EBF2: variants seen among roughly 807,000 people sequenced by gnomAD.
The protein encoded by EBF2 is EBF transcription factor 2, also known as transcription factor COE2.
A neutral mutation model predicts 72.8 loss-of-function variants in EBF2; 21 were observed. The ratio of observed to expected loss-of-function variants is 0.29; its 90% CI spans 0.20 to 0.42. The LOEUF is 0.42. Among genes scored for constraint, EBF2 ranks in the 10% least tolerant of loss-of-function variants. The pLI, the probability that EBF2 is intolerant of heterozygous loss-of-function variation, is 1.00. For synonymous variants in EBF2, 299 were observed against 274.2 expected, an observed-to-expected ratio of 1.09 and a Z score of -0.89; for missense variants, 637 against 731.2, an observed-to-expected ratio of 0.87 and a Z score of 1.49.
intron 14 of EBF2, among the ~76,000 whole-genome samples, chr8:25,854,420 T>C (rs1802042893): frequency 6.6e-6 from 1 of 152,186 alleles, no homozygotes; most frequent in Admixed American, 6.5e-5. Flanking sequence ...ACTTTGGTAA[T>C]TTTACTGCTT....
chr8:26,003,020 C>G (rs1483680767), intron 6 of EBF2, among the ~76,000 whole-genome samples: 1 of 152,050 alleles, frequency 6.6e-6, no homozygotes, highest in Non-Finnish European at 1.5e-5. Flanking sequence ...GGTCTCATCC[C>G]TGTTCTCAGC....
chr8:25,844,365 C>T lies in EBF2; in HGVS notation c.*244G>A, dbSNP rs1041095508. The T allele has an allele frequency of 4.6e-6, 2 of 436,770 alleles. No homozygotes were observed. The highest frequency in any genetic ancestry group is 8.2e-6 in the Non-Finnish European group (2 of 243,890). 27.1% of individuals were successfully genotyped at this position (436,770 alleles called of 1,614,324 possible). A position where few individuals can be genotyped will look rare whatever the true frequency, so the allele number is the denominator to read the frequency against. On this transcript the variant is annotated 3_prime_UTR_variant, in exon 16 of 16. Transcript: ENST00000520164. The stretch of plus-strand genomic sequence containing the variant: ...TTCATAACAAAGAATTGCATTTCTG[C>T]TCTTAGCACTGACTACGTCAATGAC...
chr8:25,970,087 C>T lies in EBF2; in HGVS notation c.552-61532G>A, dbSNP rs146238006. Reference sequence around the variant, plus strand: ...TTAGGGTAATGCAGTCTCTCTATGTCGTTCCCTCTGCTGGATCTATTCTTT... The same window carrying T: ...TTAGGGTAATGCAGTCTCTCTATGTTGTTCCCTCTGCTGGATCTATTCTTT... On this transcript the variant is annotated intron_variant, in intron 6 of 15. Transcript: ENST00000520164. 3.9e-4 allele frequency among the ~76,000 whole-genome samples: 60 copies of T among 152,306 alleles called. No individual in the cohort carries two copies. In the Middle Eastern group the frequency reaches 0.01, roughly 26 times the overall value.
Position 26,044,666 on chromosome 8 carries a change from C to T in EBF2, c.131+63G>A. On this transcript the variant is annotated intron_variant, in intron 1 of 15. Transcript: ENST00000520164. The surrounding 1 kb of genome is among the most constrained non-coding windows in gnomAD (Gnocchi z 4.1). ...AGGCACGGGGTGCGCGGGGGGGGTG[C>T]ACACGGAGAGACAGACCGTAAGAGC... 11 of 1,566,432 alleles carry T rather than the reference C, an allele frequency of 7.0e-6. No individual in the cohort carries two copies. The highest frequency in any genetic ancestry group is 9.6e-6 in the Non-Finnish European group (11 of 1,149,970).
At chr8:25,980,468 A>G (rs973746565) in intron 6 of EBF2, among the ~76,000 whole-genome samples, 5 of 152,228 alleles carry the variant, frequency 3.3e-5, no homozygotes, top group Non-Finnish European at 1.5e-5. Flanking sequence ...ATCAAAAAGA[A>G]AAAACATTTC....
intron 6 of EBF2, among the ~76,000 whole-genome samples, chr8:25,951,513 G>A (rs893010614): frequency 6.6e-6 from 1 of 152,170 alleles, no homozygotes; most frequent in African/African-American, 2.4e-5. Context: ...TGATGGCTCT[G>A]TCCAAATAAT....
At chr8:25,896,456 G>C (rs182493730) in intron 7 of EBF2, among the ~76,000 whole-genome samples, 5 of 152,104 alleles carry the variant, frequency 3.3e-5, no homozygotes, top group African/African-American at 1.2e-4. Flanking sequence ...AAATAAAATG[G>C]TCTCGAAAAT....
chr8:25,994,099 A>G (rs1400893177), intron 6 of EBF2, among the ~76,000 whole-genome samples: 1 of 152,170 alleles, frequency 6.6e-6, no homozygotes, highest in Admixed American at 6.5e-5. Flanking sequence ...TAAAATGCAG[A>G]TATCATAATA....
intron 7 of EBF2, among the ~76,000 whole-genome samples, chr8:25,893,358 C>G (rs1211598260): frequency 6.9e-6 from 1 of 145,104 alleles, no homozygotes; most frequent in African/African-American, 2.7e-5. Flanking sequence ...CTGATCTCAG[C>G]TTACCACAAC....
chr8:25,858,075 C>T, intron 14 of EBF2: 2 of 644,544 alleles, frequency 3.1e-6, no homozygotes, highest in Non-Finnish European at 5.7e-6. Context: ...CACACATGCT[C>T]TTTCTCTATA....
At chr8:25,907,419 CAAAAAAAAAAAAAAAA>C (rs55695734) in intron 7 of EBF2, among the ~76,000 whole-genome samples, 25 of 28,874 alleles carry the variant, frequency 8.7e-4, no homozygotes, top group South Asian at 3.2e-3. Flanking sequence ...GACCCTGCCT[CAAAAAAAAAAAAAAAA>C]AAAAAAAAAA....
At chr8:25,870,569 T>C (rs1015012648) in intron 10 of EBF2, among the ~76,000 whole-genome samples, 10 of 152,132 alleles carry the variant, frequency 6.6e-5, no homozygotes, top group African/African-American at 2.4e-4. Context: ...TGGGCTCTAA[T>C]CAGTGCACAG....
At chr8:26,030,779 A>C (rs1335733399) in intron 6 of EBF2, among the ~76,000 whole-genome samples, 1 of 152,202 alleles carries the variant, frequency 6.6e-6, no homozygotes, top group Non-Finnish European at 1.5e-5. Flanking sequence ...GGATAGTAAA[A>C]ATAAATGCCA....
intron 6 of EBF2, among the ~76,000 whole-genome samples, chr8:25,958,468 CT>C (rs377105659): frequency 2.0e-5 from 3 of 152,122 alleles, no homozygotes; most frequent in African/African-American, 7.2e-5. Context: ...TGCATTCCTT[CT>C]CTCTCTTTTT....
intron 6 of EBF2, among the ~76,000 whole-genome samples, chr8:25,938,716 C>A (rs1388719874): frequency 6.6e-6 from 1 of 152,016 alleles, no homozygotes. Context: ...TAAAAAGAAC[C>A]CTGGACTAAG....
In EBF2 at chr8:25,933,143, C is replaced by G. The variant is rs567350924; in HGVS notation, c.552-24588G>C. 3.0e-4 allele frequency among the ~76,000 whole-genome samples: 46 copies of G among 152,260 alleles called. 1 individual carries two copies. Among genetic ancestry groups the G allele is most frequent in the Admixed American group, 3.3e-4 (5 of 15,296 alleles). Reference sequence around the variant, plus strand: ...GAGCGTTCGCGTGTCCTTTTTAGAACTGGGCCTGGATTCTATTTCCAGTTT... The same window carrying G: ...GAGCGTTCGCGTGTCCTTTTTAGAAGTGGGCCTGGATTCTATTTCCAGTTT... On this transcript the variant is annotated intron_variant, in intron 6 of 15. Coordinates refer to ENST00000520164, the MANE Select transcript of EBF2 (RefSeq NM_022659.4).
At chr8:25,901,461 G>A (rs1418814419) in intron 7 of EBF2, among the ~76,000 whole-genome samples, 5 of 151,072 alleles carry the variant, frequency 3.3e-5, no homozygotes, top group African/African-American at 1.2e-4. Context: ...TTTGAGGTTG[G>A]ACTGTGTCAA....
At chr8:25,897,937 G>C (rs1263539752) in intron 7 of EBF2, among the ~76,000 whole-genome samples, 1 of 152,118 alleles carries the variant, frequency 6.6e-6, no homozygotes, top group African/African-American at 2.4e-5. Context: ...TTTAACTAGA[G>C]AAGATACTTT....
Position 25,945,080 on chromosome 8 carries a change from G to C in EBF2, c.552-36525C>G, listed in dbSNP as rs1182609032. On this transcript the variant is annotated intron_variant, in intron 6 of 15. Coordinates refer to ENST00000520164, the MANE Select transcript of EBF2 (RefSeq NM_022659.4). ...ACAATTATTCAAGCGTGAAAAGATTGTTCTGTTGCCCCCCCCGCCCCACCC... is the reference window on the plus strand; with the variant it reads ...ACAATTATTCAAGCGTGAAAAGATTCTTCTGTTGCCCCCCCCGCCCCACCC... Among the ~76,000 whole-genome samples the C allele has an allele frequency of 3.1e-5, 4 of 126,992 alleles. No individual in the cohort carries two copies. The Admixed American group carries it at 4.1e-4, about 13-fold the overall frequency. 83.3% of individuals were successfully genotyped at this position (126,992 alleles called of 152,430 possible). A position where few individuals can be genotyped will look rare whatever the true frequency, so the allele number is the denominator to read the frequency against.
Sources: allele counts gnomAD v4.1 joint callset (sites outside exome capture counted in the v4.1 genomes callset), GRCh38; gene constraint gnomAD v4.1.1; non-coding constraint Gnocchi (gnomAD v3.1); transcripts MANE v1.5; gene names NCBI Gene and HGNC (gene_info 2026-07-23, HGNC 2026-07-21).